DNAJB6: variants seen among roughly 807,000 people sequenced by gnomAD.
DNAJB6 encodes the protein dnaJ homolog subfamily B member 6.
A neutral mutation model predicts 42.7 loss-of-function variants in DNAJB6; 16 were observed. The observed-to-expected ratio is 0.37, with a 90% CI of 0.25 to 0.57. DNAJB6 has a LOEUF of 0.57. Among genes scored for constraint, DNAJB6 ranks in the 20% least tolerant of loss-of-function variants. The pLI, the probability that DNAJB6 is intolerant of heterozygous loss-of-function variation, is 0.74. For synonymous variants in DNAJB6, 170 were observed against 163.5 expected, an observed-to-expected ratio of 1.04 and a Z score of -0.30; for missense variants, 347 against 416.8, an observed-to-expected ratio of 0.83 and a Z score of 1.46.
At chr7:157,357,257 TC>T (rs1563118274) in intron 1 of DNAJB6, among the ~76,000 whole-genome samples, 3 of 70,746 alleles carry the variant, frequency 4.2e-5, no homozygotes, top group African/African-American at 1.4e-4. Context: ...CTTCCTTCCT[TC>T]CTTCCGTCCT....
At chr7:157,386,332 T>G in intron 8 of DNAJB6, 1 of 985,126 alleles carries the variant, frequency 1.0e-6, no homozygotes, top group Non-Finnish European at 1.2e-6. Flanking sequence ...GGAGCTTTTT[T>G]GTGTCTGTGT....
intron 8 of DNAJB6, among the ~76,000 whole-genome samples, chr7:157,403,374 CA>C (rs1795611622): frequency 6.6e-6 from 1 of 152,176 alleles, no homozygotes; most frequent in South Asian, 2.1e-4. Context: ...CTGACATTGC[CA>C]GGGTGAAAAC....
chr7:157,413,285 T>G (rs147607243), intron 9 of DNAJB6: 1 of 152,170 alleles, frequency 6.6e-6, no homozygotes, highest in Non-Finnish European at 1.5e-5. Flanking sequence ...GTAAAATTAC[T>G]GAACAGGAAA....
intron 1 of DNAJB6, among the ~76,000 whole-genome samples, chr7:157,353,180 G>A (rs1029348664): frequency 1.3e-5 from 2 of 151,682 alleles, no homozygotes; most frequent in South Asian, 2.1e-4. Context: ...TGTCCGCCTC[G>A]GGCTCCTAAA....
At chr7:157,383,429 C>T (rs1205510754) in intron 6 of DNAJB6, among the ~76,000 whole-genome samples, 2 of 152,146 alleles carry the variant, frequency 1.3e-5, no homozygotes, top group East Asian at 3.8e-4. Context: ...GAACATTGCG[C>T]TCATGCCATC....
At chr7:157,350,588 A>G (rs1008216359) in intron 1 of DNAJB6, among the ~76,000 whole-genome samples, 1 of 152,206 alleles carries the variant, frequency 6.6e-6, no homozygotes, top group African/African-American at 2.4e-5. Flanking sequence ...ATGCCTTATG[A>G]GTCAGAGCTT....
intron 5 of DNAJB6, 169 bp from the exon 6 acceptor site, chr7:157,382,077 G>T: frequency 2.0e-5 from 11 of 553,352 alleles, no homozygotes; most frequent in Admixed American, 3.9e-5. Context: ...TAAAACTGTT[G>T]GTGAGGTAGT....
rs866217018 is a variant in DNAJB6 at position 157,344,624 on chromosome 7, A to T, written c.-27+7480A>T. 2.0e-5 allele frequency among the ~76,000 whole-genome samples: 3 copies of T among 151,886 alleles called. No homozygotes were observed. In the East Asian group the frequency reaches 5.8e-4, roughly 29 times the overall value. On this transcript the variant is annotated intron_variant, in intron 1 of 9. Transcript: ENST00000262177. The stretch of plus-strand genomic sequence containing the variant: ...TTATTTTTTATTTAAAAAAAAATTT[A>T]TTATTTTTGTGACAGGGTCTTGCTC...
chr7:157,409,372 A>G (rs1029487875), intron 8 of DNAJB6, among the ~76,000 whole-genome samples: 7 of 152,010 alleles, frequency 4.6e-5, no homozygotes, highest in African/African-American at 1.7e-4. Context: ...CGGAGAGGGG[A>G]TGTCTTCCGT....
chr7:157,408,611 C>T (rs1423533324), intron 8 of DNAJB6, among the ~76,000 whole-genome samples: 1 of 152,260 alleles, frequency 6.6e-6, no homozygotes, highest in East Asian at 1.9e-4. Context: ...GAGCAGGTTC[C>T]TTCCTGACCT....
chr7:157,347,284 T>C (rs1356675756), intron 1 of DNAJB6, among the ~76,000 whole-genome samples: 1 of 152,244 alleles, frequency 6.6e-6, no homozygotes, highest in East Asian at 1.9e-4. Flanking sequence ...GGTGAGAGAA[T>C]GTCCCATAGC....
At chr7:157,404,261 G>A (rs916695868) in intron 8 of DNAJB6, among the ~76,000 whole-genome samples, 8 of 150,358 alleles carry the variant, frequency 5.3e-5, no homozygotes, top group Admixed American at 2.6e-4. Flanking sequence ...GGTGTGAGCT[G>A]CCACTTTCAG....
intron 9 of DNAJB6, 129 bp downstream of exon 9, chr7:157,410,130 G>C (rs1795922852): frequency 7.1e-7 from 1 of 1,413,740 alleles, no homozygotes; most frequent in Non-Finnish European, 9.2e-7. Flanking sequence ...CGGTCGGGCG[G>C]GGCGGGAGGA....
intron 8 of DNAJB6, among the ~76,000 whole-genome samples, chr7:157,400,362 A>AGGTCTGAG (rs1554467468): frequency 2.7e-4 from 41 of 151,990 alleles, no homozygotes; most frequent in African/African-American, 5.8e-4. Flanking sequence ...GCCTTCATGG[A>AGGTCTGAG]CACGCTCGTG....
intron 8 of DNAJB6, among the ~76,000 whole-genome samples, chr7:157,390,911 C>T (rs73505221): frequency 6.6e-6 from 1 of 152,200 alleles, no homozygotes. Context: ...TCACAGCTCT[C>T]TGTAGCCTTC....
At chr7:157,383,067 AC>A (rs1800868926) in intron 6 of DNAJB6, among the ~76,000 whole-genome samples, 1 of 152,114 alleles carries the variant, frequency 6.6e-6, no homozygotes, top group African/African-American at 2.4e-5. Flanking sequence ...GTGTAGTGGC[AC>A]GGTCTCAGCT....
intron 1 of DNAJB6, 54 bp downstream of exon 1, chr7:157,337,198 C>G (rs910421059): frequency 6.6e-6 from 1 of 152,398 alleles, no homozygotes; most frequent in Admixed American, 6.5e-5. Flanking sequence ...CGCGCGCGCC[C>G]GGCAGACGGC....
intron 1 of DNAJB6, among the ~76,000 whole-genome samples, chr7:157,338,474 C>T (rs555610568): frequency 4.9e-4 from 75 of 152,128 alleles, no homozygotes; most frequent in Non-Finnish European, 7.3e-4. Flanking sequence ...GCTGGGGTTA[C>T]GGGTGCTCGC....
intron 9 of DNAJB6, chr7:157,410,218 G>C (rs1457691333): frequency 1.7e-6 from 2 of 1,171,672 alleles, no homozygotes; most frequent in Non-Finnish European, 2.3e-6. Context: ...GTTAAAACGG[G>C]GTCCGCGTGT....
Sources: gnomAD v4.1 joint callset for allele counts (sites outside exome capture counted in the v4.1 genomes callset) on GRCh38, gnomAD v4.1.1 for gene constraint, MANE v1.5 for transcripts, NCBI Gene and HGNC (gene_info 2026-07-23, HGNC 2026-07-21) for gene names.